Variants in RABGAP1L observed in about 807,000 individuals in gnomAD.
RABGAP1L encodes the protein rab GTPase-activating protein 1-like.
A neutral mutation model predicts 137.7 loss-of-function variants in RABGAP1L; 63 were observed. The observed-to-expected ratio is 0.46, with a 90% confidence interval of 0.37 to 0.56. RABGAP1L has a LOEUF of 0.56. RABGAP1L is among the 20% of genes least tolerant of loss of function. RABGAP1L has a pLI of 0.00. For missense variants in RABGAP1L, 1,095 were observed against 1,244.0 expected, an observed-to-expected ratio of 0.88 and a Z score of 1.80; for synonymous variants, 431 against 433.7, an observed-to-expected ratio of 0.99 and a Z score of 0.08.
intron 13 of RABGAP1L, among the ~76,000 whole-genome samples, chr1:174,564,619 A>G (rs747991095): frequency 6.6e-6 from 1 of 151,972 alleles, no homozygotes; most frequent in Non-Finnish European, 1.5e-5. Context: ...TCTTTTTCCT[A>G]CTTGTTTGAA....
chr1:174,510,321 A>G (rs879548676), intron 13 of RABGAP1L, among the ~76,000 whole-genome samples: 6 of 152,260 alleles, frequency 3.9e-5, no homozygotes, highest in Non-Finnish European at 8.8e-5. Flanking sequence ...TGTTTTGTTT[A>G]CTGTTTTATC....
intron 13 of RABGAP1L, among the ~76,000 whole-genome samples, chr1:174,634,570 A>G (rs1237897301): frequency 2.9e-5 from 4 of 140,016 alleles, no homozygotes; most frequent in Admixed American, 7.2e-5. Flanking sequence ...GCTGCTATAA[A>G]GACACATGCA....
At chr1:174,442,577 A>T (rs1431883560) in intron 13 of RABGAP1L, among the ~76,000 whole-genome samples, 2 of 152,158 alleles carry the variant, frequency 1.3e-5, no homozygotes, top group African/African-American at 4.8e-5. Context: ...TTATTTTAGA[A>T]TCAGGGAGTA....
At chr1:174,434,108 TACACACACACACACACACACACAC>T (rs35509787) in intron 13 of RABGAP1L, among the ~76,000 whole-genome samples, 5 of 134,050 alleles carry the variant, frequency 3.7e-5, no homozygotes, top group Admixed American at 7.3e-5. Flanking sequence ...CGTGTACACA[TACACACACACACACACACACACAC>T]ACACACACAC....
intron 4 of RABGAP1L, among the ~76,000 whole-genome samples, chr1:174,238,072 A>AGGCTTCTGC (rs1369243182): frequency 6.6e-6 from 1 of 151,830 alleles, no homozygotes; most frequent in Non-Finnish European, 1.5e-5. Flanking sequence ...TCGGCTCCTG[A>AGGCTTCTGC]GGCTTCTGCA....
intron 12 of RABGAP1L, among the ~76,000 whole-genome samples, chr1:174,374,140 G>A (rs1045024214): frequency 5.3e-5 from 8 of 152,294 alleles, no homozygotes; most frequent in African/African-American, 1.9e-4. Flanking sequence ...TAATGGTAGC[G>A]TATGCATTGA....
intron 13 of RABGAP1L, among the ~76,000 whole-genome samples, chr1:174,468,017 T>A (rs1373306100): frequency 2.0e-5 from 3 of 152,118 alleles, no homozygotes; most frequent in Non-Finnish European, 1.5e-5. Flanking sequence ...AGAAACCTTC[T>A]TGATTATAAG....
At chr1:174,662,064 G>A (rs12096721) in intron 14 of RABGAP1L, among the ~76,000 whole-genome samples, 1 of 150,576 alleles carries the variant, frequency 6.6e-6, no homozygotes, top group Non-Finnish European at 1.5e-5. Flanking sequence ...GCCTGAGGTA[G>A]GTCGTTCAGG....
intron 19 of RABGAP1L, among the ~76,000 whole-genome samples, chr1:174,914,643 G>T (rs1301776502): frequency 6.6e-6 from 1 of 151,926 alleles, no homozygotes; most frequent in African/African-American, 2.4e-5. Context: ...AAAGATTCTG[G>T]CTAGATTTTT....
intron 1 of RABGAP1L, among the ~76,000 whole-genome samples, chr1:174,195,654 T>TTCCTTCCTTCCTTCCTTCC (rs752150410): frequency 1.3e-5 from 1 of 77,040 alleles, no homozygotes; most frequent in South Asian, 4.7e-4. Context: ...CCTTCCTTCC[T>TTCCTTCCTTCCTTCCTTCC]TTCCTTTCCT....
At chr1:174,569,166 G>T (rs191884594) in intron 13 of RABGAP1L, among the ~76,000 whole-genome samples, 5 of 152,162 alleles carry the variant, frequency 3.3e-5, no homozygotes, top group African/African-American at 9.6e-5. Context: ...TTTTCATCTG[G>T]GCATGTGATG....
intron 3 of RABGAP1L, among the ~76,000 whole-genome samples, chr1:174,228,485 G>A (rs1670370593): frequency 6.6e-6 from 1 of 151,982 alleles, no homozygotes; most frequent in Non-Finnish European, 1.5e-5. Flanking sequence ...AGAAAAGTAT[G>A]TAAAAACATA....
chr1:174,497,282 T>G (rs908056363), intron 13 of RABGAP1L, among the ~76,000 whole-genome samples: 6 of 152,206 alleles, frequency 3.9e-5, no homozygotes, highest in African/African-American at 1.4e-4. Flanking sequence ...AGTATAGTAA[T>G]AGCTAACATT....
chr1:174,680,887 C>CA (rs200897637), intron 14 of RABGAP1L, among the ~76,000 whole-genome samples: 56 of 146,024 alleles, frequency 3.8e-4, no homozygotes, highest in Non-Finnish European at 5.5e-4. Flanking sequence ...ACCCTGCCTC[C>CA]AAAAAAAACA....
intron 3 of RABGAP1L, among the ~76,000 whole-genome samples, chr1:174,230,809 T>C (rs957453629): frequency 2.0e-5 from 3 of 152,212 alleles, no homozygotes; most frequent in Non-Finnish European, 4.4e-5. Context: ...TCTGTTGTTC[T>C]TTTACATACT....
intron 14 of RABGAP1L, among the ~76,000 whole-genome samples, chr1:174,641,525 C>G (rs938477812): frequency 3.1e-4 from 47 of 152,100 alleles, no homozygotes; most frequent in African/African-American, 1.1e-3. Context: ...CTCTTTCTCT[C>G]CCTGTCTTTC....
intron 13 of RABGAP1L, among the ~76,000 whole-genome samples, chr1:174,444,264 ATATTGTCC>A (rs2149239549): frequency 6.6e-6 from 1 of 151,528 alleles, no homozygotes; most frequent in East Asian, 1.9e-4. Context: ...GCTTTGGGTG[ATATTGTCC>A]TTTTAACAAT....
chr1:174,172,191 TGTG>T (rs1665460134), intron 1 of RABGAP1L, among the ~76,000 whole-genome samples: 1 of 131,116 alleles, frequency 7.6e-6, no homozygotes, highest in Non-Finnish European at 1.5e-5. Flanking sequence ...TGTGTGTGTG[TGTG>T]TGTGTGTGTG....
At chr1:174,226,781 T>A (rs920466688) in intron 3 of RABGAP1L, among the ~76,000 whole-genome samples, 23 of 151,912 alleles carry the variant, frequency 1.5e-4, no homozygotes, top group African/African-American at 2.9e-4. Context: ...CCTTTTTTTT[T>A]AAAAAAAATT....
Sources: gnomAD v4.1 joint callset for allele counts (sites outside exome capture counted in the v4.1 genomes callset) on GRCh38, gnomAD v4.1.1 for gene constraint, MANE v1.5 for transcripts, NCBI Gene and HGNC (gene_info 2026-07-23, HGNC 2026-07-21) for gene names.